Variants in DNER observed in about 807,000 individuals in gnomAD.
The protein encoded by DNER is delta and Notch-like epidermal growth factor-related receptor.
DNER carries 33 observed loss-of-function variants against 78.2 expected under a neutral mutation model. The observed-to-expected ratio is 0.42, with a 90% CI of 0.32 to 0.56. The LOEUF (loss-of-function observed/expected upper bound fraction) is 0.56. DNER is among the 20% of genes least tolerant of loss of function. DNER has a pLI of 0.11. For synonymous variants in DNER, 417 were observed against 384.8 expected (o/e 1.08, Z -0.98); for missense variants, 918 against 975.3 (o/e 0.94, Z 0.78).
intron 1 of DNER, among the ~76,000 whole-genome samples, chr2:229,602,869 C>T (rs578009860): frequency 6.6e-6 from 1 of 152,258 alleles, no homozygotes; most frequent in South Asian, 2.1e-4. Context: ...GCTGCTACAA[C>T]AGAAATCACA....
chr2:229,598,105 G>A (rs934004526), intron 1 of DNER, among the ~76,000 whole-genome samples: 1 of 152,168 alleles, frequency 6.6e-6, no homozygotes, highest in African/African-American at 2.4e-5. Context: ...GCATGAAAAA[G>A]GCCCATTGAT....
rs1416195939 is a variant in DNER, at chr2:229,358,654, G to A, written c.2103-3C>T. On this transcript the variant is annotated splice_region_variant and splice_polypyrimidine_tract_variant and intron_variant, in intron 12 of 12. Coordinates refer to ENST00000341772, the MANE Select transcript of DNER (RefSeq NM_139072.4). Reference sequence around the variant, plus strand: ...CAGGCCGGGATTTCTTTCCAAACCTGAAATCAGAGAGAAAGGACTCTGGTT... The same window carrying A: ...CAGGCCGGGATTTCTTTCCAAACCTAAAATCAGAGAGAAAGGACTCTGGTT... 5.6e-6 allele frequency: 9 copies of A among 1,611,678 alleles called. No individual in the cohort carries two copies. Among genetic ancestry groups the A allele is most frequent in the Non-Finnish European group, 6.8e-6 (8 of 1,178,910 alleles).
At chr2:229,551,436 C>A (rs575987819) in intron 4 of DNER, among the ~76,000 whole-genome samples, 17 of 151,702 alleles carry the variant, frequency 1.1e-4, no homozygotes, top group Non-Finnish European at 1.9e-4. Flanking sequence ...GATTTCAAGA[C>A]CAGCCTGGCC....
chr2:229,375,644 GAA>G (rs1247052771), intron 11 of DNER, among the ~76,000 whole-genome samples: 5 of 152,216 alleles, frequency 3.3e-5, no homozygotes, highest in African/African-American at 4.8e-5. Flanking sequence ...AAATGCTCAT[GAA>G]AAGTTAAAAG....
chr2:229,527,005 CA>C (rs67837517), intron 5 of DNER, among the ~76,000 whole-genome samples: 3,898 of 152,208 alleles, frequency 0.026, 171 homozygotes, highest in African/African-American at 0.089. Context: ...AAGGCAAGCT[CA>C]AATTCTTTTT....
chr2:229,551,386 C>T (rs1696733262), intron 4 of DNER, among the ~76,000 whole-genome samples: 1 of 134,890 alleles, frequency 7.4e-6, no homozygotes, highest in Non-Finnish European at 1.6e-5. Context: ...GTAATCTCAG[C>T]ACTTTGGGAG....
At chr2:229,684,053 G>C (rs1699433082) in intron 1 of DNER, among the ~76,000 whole-genome samples, 1 of 151,382 alleles carries the variant, frequency 6.6e-6, no homozygotes, top group African/African-American at 2.4e-5. Flanking sequence ...AAGTGCAATG[G>C]TAACCATTTT....
At chr2:229,549,134 A>G (rs1381148296) in intron 4 of DNER, among the ~76,000 whole-genome samples, 1 of 152,190 alleles carries the variant, frequency 6.6e-6, no homozygotes, top group Non-Finnish European at 1.5e-5. Flanking sequence ...ACCAAGATGC[A>G]TGGAAAGAAA....
intron 4 of DNER, among the ~76,000 whole-genome samples, chr2:229,548,447 A>G (rs868284946): frequency 1.3e-4 from 20 of 152,232 alleles, no homozygotes; most frequent in African/African-American, 4.8e-4. Flanking sequence ...TTGCAGGGAC[A>G]TGGATGAAGC....
At chr2:229,581,014 G>T (rs1403366735) in intron 4 of DNER, among the ~76,000 whole-genome samples, 1 of 152,170 alleles carries the variant, frequency 6.6e-6, no homozygotes, top group Non-Finnish European at 1.5e-5. Flanking sequence ...GTGGGGATGG[G>T]GCCGGCAGTG....
At chr2:229,388,902 T>A (rs1163038692) in intron 10 of DNER, among the ~76,000 whole-genome samples, 2 of 151,956 alleles carry the variant, frequency 1.3e-5, no homozygotes, top group Non-Finnish European at 2.9e-5. Flanking sequence ...AGTATTTGAG[T>A]ATGTGAGAGT....
At chr2:229,657,319 C>T (rs13012870) in intron 1 of DNER, among the ~76,000 whole-genome samples, 80,405 of 151,860 alleles carry the variant, frequency 0.53, 21,476 homozygotes, top group Non-Finnish European at 0.55. Flanking sequence ...GGAGGATTTC[C>T]TCATTTTTTT....
chr2:229,566,467 A>C (rs535576114), intron 4 of DNER, among the ~76,000 whole-genome samples: 27 of 152,330 alleles, frequency 1.8e-4, no homozygotes, highest in African/African-American at 6.0e-4. Flanking sequence ...ATGAAGCCCC[A>C]GTGGTGCACC....
chr2:229,604,381 A>G (rs530589314), intron 1 of DNER, among the ~76,000 whole-genome samples: 24 of 152,268 alleles, frequency 1.6e-4, no homozygotes, highest in East Asian at 7.7e-4. Flanking sequence ...AAGAGACCCC[A>G]TTGCTTTCTA....
intron 1 of DNER, among the ~76,000 whole-genome samples, chr2:229,607,279 T>C (rs1295279870): frequency 6.6e-6 from 1 of 152,254 alleles, no homozygotes; most frequent in Non-Finnish European, 1.5e-5. Context: ...AAGATATTAA[T>C]AGCTAAGATT....
intron 10 of DNER, among the ~76,000 whole-genome samples, chr2:229,398,159 T>C (rs1436586469): frequency 6.6e-6 from 1 of 151,956 alleles, no homozygotes; most frequent in Non-Finnish European, 1.5e-5. Flanking sequence ...AAGACACAAA[T>C]TAGCCATATC....
intron 5 of DNER, among the ~76,000 whole-genome samples, chr2:229,545,278 T>C (rs76418701): frequency 0.03 from 4,511 of 152,010 alleles, 199 homozygotes; most frequent in African/African-American, 0.096. Flanking sequence ...TGCAAAATAT[T>C]TTAAGGAAGC....
At position 229,571,564 on chromosome 2, in the gene DNER, G is replaced by A. The variant is rs181195600; in HGVS notation, c.847+14294C>T. ...GCAGCTTCCATTCTAACCTCCCTAC[G>A]GAAGACTCCCACCTCTGCACTCAAC... On this transcript the variant is annotated intron_variant, in intron 4 of 12. Coordinates refer to ENST00000341772, the MANE Select transcript of DNER (RefSeq NM_139072.4). 4.9e-3 allele frequency among the ~76,000 whole-genome samples: 744 copies of A among 152,016 alleles called. 12 individuals carry two copies. Among genetic ancestry groups the A allele is most frequent in the African/African-American group, 0.017 (697 of 41,460 alleles).
chr2:229,489,916 G>A (rs1354471905), intron 6 of DNER, among the ~76,000 whole-genome samples: 1 of 152,174 alleles, frequency 6.6e-6, no homozygotes, highest in Non-Finnish European at 1.5e-5. Flanking sequence ...GCAGCATGAG[G>A]GAGTGGGTAG....
Sources: allele counts gnomAD v4.1 joint callset (sites outside exome capture counted in the v4.1 genomes callset), GRCh38; gene constraint gnomAD v4.1.1; transcripts MANE v1.5; gene names NCBI Gene and HGNC (gene_info 2026-07-23, HGNC 2026-07-21).